The following PKP4 variants were observed in gnomAD, a reference collection of about 807,000 sequenced individuals.
PKP4 encodes the protein plakophilin 4, also known as plakophilin-4.
Under a neutral mutation model 145.1 loss-of-function variants are expected in PKP4, and 90 were observed. That is an observed-to-expected ratio of 0.62 (90% CI 0.52 to 0.74). PKP4 has a LOEUF of 0.74. PKP4 is among the 30% of genes least tolerant of loss of function. The pLI is 0.00. For synonymous variants in PKP4, 563 were observed against 577.2 expected (o/e 0.98, Z 0.35); for missense variants, 1,340 against 1,482.7 (o/e 0.90, Z 1.58).
Position 158,531,139 on chromosome 2 carries a change from C to A in PKP4, c.-5-2041C>A, listed in dbSNP as rs1307396437. On this transcript the variant is annotated intron_variant, in intron 1 of 21. Coordinates refer to ENST00000389759, the MANE Select transcript of PKP4 (RefSeq NM_003628.6). ...AATACTGTGAAATTAAGTATGATAT[C>A]CTCACAGTGATGTAATACAATTACC... Among the ~76,000 whole-genome samples the A allele has an allele frequency of 2.6e-5, 4 of 152,204 alleles. No individual in the cohort carries two copies. In the East Asian group the frequency reaches 7.7e-4, roughly 29 times the overall value.
At chr2:158,540,973 A>C (rs2044476258) in intron 2 of PKP4, among the ~76,000 whole-genome samples, 1 of 152,126 alleles carries the variant, frequency 6.6e-6, no homozygotes. Context: ...TATATGGAAT[A>C]ATTTCCCCCT....
intron 2 of PKP4, among the ~76,000 whole-genome samples, chr2:158,571,427 T>C (rs766426909): frequency 6.6e-6 from 1 of 152,166 alleles, no homozygotes; most frequent in East Asian, 1.9e-4. Flanking sequence ...TGAACTACTT[T>C]ATGCTAATAA....
chr2:158,631,262 A>G (rs1448473335), intron 7 of PKP4, among the ~76,000 whole-genome samples: 1 of 152,010 alleles, frequency 6.6e-6, no homozygotes, highest in Non-Finnish European at 1.5e-5. Context: ...TTTAAAATAT[A>G]TATATGCAGT....
intron 9 of PKP4, among the ~76,000 whole-genome samples, chr2:158,637,530 CTCGCTCCCTG>C (rs2053909369): frequency 6.6e-6 from 1 of 152,194 alleles, no homozygotes; most frequent in Non-Finnish European, 1.5e-5. Context: ...ACAAATTCCA[CTCGCTCCCTG>C]CCTCAGCTCA....
intron 11 of PKP4, among the ~76,000 whole-genome samples, chr2:158,645,762 C>G (rs1415775026): frequency 1.2e-4 from 18 of 152,104 alleles, no homozygotes. Context: ...GAGTTTTTTC[C>G]TTGGGAGAGA....
intron 7 of PKP4, among the ~76,000 whole-genome samples, chr2:158,630,185 C>T (rs568502536): frequency 1.3e-5 from 2 of 152,054 alleles, no homozygotes; most frequent in South Asian, 2.1e-4. Flanking sequence ...ATTTTACTTA[C>T]CAATAATGGA....
chr2:158,549,926 C>T (rs1183722964), intron 2 of PKP4, among the ~76,000 whole-genome samples: 3 of 152,090 alleles, frequency 2.0e-5, no homozygotes, highest in African/African-American at 7.2e-5. Flanking sequence ...CTAATAAATG[C>T]ATGGTTGTAG....
At chr2:158,656,957 C>T (rs908950754) in intron 11 of PKP4, among the ~76,000 whole-genome samples, 4 of 152,148 alleles carry the variant, frequency 2.6e-5, no homozygotes, top group African/African-American at 4.8e-5. Context: ...GTCTTGTCTC[C>T]GGGCCACGCT....
At position 158,625,174 on chromosome 2, in the gene PKP4, C is replaced by G; in HGVS notation, c.900C>G (p.Asn300Lys). The G allele has an allele frequency of 6.2e-7, 1 of 1,614,148 alleles. No homozygotes were observed. Among genetic ancestry groups the G allele is most frequent in the Non-Finnish European group, 8.5e-7 (1 of 1,180,016 alleles). Residue 300 changes from asparagine (N) to lysine (K), a missense_variant, in exon 7 of 22, where the codon AAC becomes AAG. By Grantham distance (94) the Asn-to-Lys change is moderately conservative. Coordinates refer to ENST00000389759, the MANE Select transcript of PKP4 (RefSeq NM_003628.6). ...SVTSRQTSNP[N>K]GPTPQYQTTA... The stretch of plus-strand genomic sequence containing the variant: ...CCTCCCGGCAGACCTCCAATCCCAA[C>G]GGACCAACCCCTCAATACCAAACCA...
rs572272806 is a variant in PKP4 at position 158,549,032 on chromosome 2, C to T, written c.132+15716C>T. 1.4e-4 allele frequency: 24 copies of T among 171,110 alleles called. 1 individual carries two copies. The East Asian group carries it at 2.4e-3, about 17-fold the overall frequency. 10.6% of individuals were successfully genotyped at this position (171,110 alleles called of 1,614,324 possible). ...ATAGGAAGACCCTGCACCACTGTTG[C>T]CTTCACACAGGTTAACTTGGAAGAC... On this transcript the variant is annotated intron_variant, in intron 2 of 21. Coordinates refer to ENST00000389759, the MANE Select transcript of PKP4 (RefSeq NM_003628.6).
chr2:158,637,429 G>A (rs1021129602), intron 9 of PKP4, among the ~76,000 whole-genome samples: 2 of 152,086 alleles, frequency 1.3e-5, no homozygotes, highest in African/African-American at 4.8e-5. Context: ...AAGGACTTCG[G>A]ATAGTCCACA....
intron 1 of PKP4, among the ~76,000 whole-genome samples, chr2:158,475,070 A>T (rs1692238663): frequency 6.6e-6 from 1 of 152,122 alleles, no homozygotes; most frequent in African/African-American, 2.4e-5. Context: ...CAGCTCTCTG[A>T]TGGGTTAAAG....
intron 7 of PKP4, among the ~76,000 whole-genome samples, chr2:158,629,805 G>C (rs904854696): frequency 2.0e-5 from 3 of 152,084 alleles, no homozygotes; most frequent in Non-Finnish European, 4.4e-5. Context: ...CCCGCCCCCA[G>C]ATTGAAGCAG....
At chr2:158,523,290 G>T (rs1416248333) in intron 1 of PKP4, among the ~76,000 whole-genome samples, 2 of 144,314 alleles carry the variant, frequency 1.4e-5, no homozygotes, top group South Asian at 4.8e-4. Context: ...ATCTGAGAAC[G>T]GGCAGACTAC....
chr2:158,593,482 G>A (rs1158818619), intron 3 of PKP4, among the ~76,000 whole-genome samples: 1 of 152,106 alleles, frequency 6.6e-6, no homozygotes. Context: ...TTTTTGTCTA[G>A]TACTACGTCC....
In PKP4 at chr2:158,533,266, A is replaced by C. The variant is rs1302422396; in HGVS notation, c.82A>C (p.Met28Leu). The C allele has an allele frequency of 2.5e-6, 4 of 1,614,074 alleles. No homozygotes were observed. The highest frequency in any genetic ancestry group is 3.4e-6 in the Non-Finnish European group (4 of 1,180,038). The change falls in exon 2 of 22, where the codon ATG (methionine) becomes CTG (leucine). Residue 28 changes from methionine to leucine, a missense_variant. Met to Leu is a conservative substitution (Grantham distance 15, BLOSUM62 2). Transcript: ENST00000389759. Reference sequence around the variant, plus strand: ...GGAAGCTGCCTCCACTGGCCCAGGCATGGAACCCGAGACCACAGCCACCAC... The same window carrying C: ...GGAAGCTGCCTCCACTGGCCCAGGCCTGGAACCCGAGACCACAGCCACCAC... ...RQEAASTGPG[M>L]EPETTATTIL...
At chr2:158,491,467 CT>C (rs1481218076) in intron 1 of PKP4, among the ~76,000 whole-genome samples, 1 of 151,960 alleles carries the variant, frequency 6.6e-6, no homozygotes, top group African/African-American at 2.4e-5. Context: ...TTGATAATGT[CT>C]TCATCTGCTT....
At chr2:158,514,554 G>A (rs1226422149) in intron 1 of PKP4, among the ~76,000 whole-genome samples, 1 of 152,194 alleles carries the variant, frequency 6.6e-6, no homozygotes, top group African/African-American at 2.4e-5. Flanking sequence ...AAGAAAGGAT[G>A]TTATCACAAC....
At chr2:158,492,328 A>G (rs1695059661) in intron 1 of PKP4, among the ~76,000 whole-genome samples, 1 of 152,214 alleles carries the variant, frequency 6.6e-6, no homozygotes, top group Non-Finnish European at 1.5e-5. Flanking sequence ...AGAAACCGAA[A>G]AAGCAAGTTA....
Sources: gnomAD v4.1 joint callset for allele counts (sites outside exome capture counted in the v4.1 genomes callset) on GRCh38, gnomAD v4.1.1 for gene constraint, MANE v1.5 for transcripts, NCBI Gene and HGNC (gene_info 2026-07-23, HGNC 2026-07-21) for gene names.